The following KCNK10 variants were observed in gnomAD, a reference collection of about 807,000 sequenced individuals.
The protein encoded by KCNK10 is potassium channel subfamily K member 10.
KCNK10 carries 25 observed loss-of-function variants against 47.7 expected under a neutral mutation model. The ratio of observed to expected loss-of-function variants is 0.52; its 90% CI spans 0.38 to 0.73. The LOEUF (loss-of-function observed/expected upper bound fraction) is 0.73, where lower values mean the gene tolerates loss of function less well. KCNK10 is among the 30% of genes least tolerant of loss of function. The pLI, the probability that KCNK10 is intolerant of heterozygous loss-of-function variation, is 0.00. For missense variants in KCNK10, 563 were observed against 714.5 expected (o/e 0.79, Z 2.42); for synonymous variants, 303 against 285.6 (o/e 1.06, Z -0.61).
chr14:88,214,164 C>G (rs1048257108), intron 4 of KCNK10, among the ~76,000 whole-genome samples: 6 of 152,022 alleles, frequency 3.9e-5, no homozygotes, highest in African/African-American at 1.4e-4. Flanking sequence ...GTCTTGAACT[C>G]CTGACCTCAG....
intron 4 of KCNK10, among the ~76,000 whole-genome samples, chr14:88,210,826 A>G (rs1463695774): frequency 2.8e-5 from 3 of 107,134 alleles, no homozygotes; most frequent in Non-Finnish European, 6.3e-5. Flanking sequence ...ATAAAAGTTA[A>G]AGGAAAAAAA....
At chr14:88,277,757 A>T (rs1784797) in intron 1 of KCNK10, among the ~76,000 whole-genome samples, 9,782 of 152,266 alleles carry the variant, frequency 0.064, 411 homozygotes, top group East Asian at 0.088. Flanking sequence ...AGAGAAATCT[A>T]TGGCTGAATC....
intron 5 of KCNK10, among the ~76,000 whole-genome samples, chr14:88,189,436 G>T (rs919017354): frequency 1.3e-5 from 2 of 152,166 alleles, no homozygotes; most frequent in Non-Finnish European, 2.9e-5. Context: ...TCTGTGCTAC[G>T]CCAGAGAAAT....
At chr14:88,276,632 G>A (rs1566712113) in intron 1 of KCNK10, among the ~76,000 whole-genome samples, 1 of 152,162 alleles carries the variant, frequency 6.6e-6, no homozygotes, top group African/African-American at 2.4e-5. Flanking sequence ...TTAGCTAACA[G>A]ACTCAACTTC....
chr14:88,282,051 T>C (rs1166743774), intron 1 of KCNK10, among the ~76,000 whole-genome samples: 4 of 152,176 alleles, frequency 2.6e-5, no homozygotes, highest in Non-Finnish European at 5.9e-5. Context: ...TGGTTCACTC[T>C]TATATACCCA....
chr14:88,227,717 C>T (rs886966766), intron 3 of KCNK10, among the ~76,000 whole-genome samples, 182 bp from the exon 4 acceptor site: 1 of 152,204 alleles, frequency 6.6e-6, no homozygotes, highest in Non-Finnish European at 1.5e-5. Flanking sequence ...TCCTTCTCCC[C>T]TTATAAACGG....
chr14:88,307,258 T>C (rs1213563214), intron 1 of KCNK10, among the ~76,000 whole-genome samples: 1 of 139,982 alleles, frequency 7.1e-6, no homozygotes, highest in Non-Finnish European at 1.6e-5. Context: ...TCTTCATTCT[T>C]CATTCAAAAT....
intron 2 of KCNK10, among the ~76,000 whole-genome samples, chr14:88,261,769 A>G (rs1887118587): frequency 8.2e-6 from 1 of 121,968 alleles, no homozygotes; most frequent in Non-Finnish European, 2.0e-5. Context: ...CAAAAAAGAA[A>G]AAGAAAAAAA....
At chr14:88,247,474 A>C (rs1886678054) in intron 2 of KCNK10, among the ~76,000 whole-genome samples, 1 of 152,202 alleles carries the variant, frequency 6.6e-6, no homozygotes, top group South Asian at 2.1e-4. Context: ...TATTACAATG[A>C]CGTGTATTTT....
chr14:88,186,194 T>C lies in KCNK10; in HGVS notation c.1012-39A>G. The C allele has an allele frequency of 3.3e-6, 5 of 1,530,420 alleles. No homozygotes were observed. Among genetic ancestry groups the C allele is most frequent in the Non-Finnish European group, 4.4e-6 (5 of 1,137,782 alleles). 94.8% of individuals were successfully genotyped at this position (1,530,420 alleles called of 1,614,324 possible). On this transcript the variant is annotated intron_variant, in intron 6 of 6. Transcript: ENST00000319231. This position sits in a 1 kb window ranked among gnomAD's most constrained non-coding sequence, Gnocchi z 5.5. The stretch of plus-strand genomic sequence containing the variant: ...AGAAGAGCAACAATATGCTGACAAA[T>C]GCCTCCCTGCCTTGGCCTCCCAGCA...
chr14:88,313,534 G>A (rs1888369771), intron 1 of KCNK10, among the ~76,000 whole-genome samples: 1 of 152,158 alleles, frequency 6.6e-6, no homozygotes, highest in African/African-American at 2.4e-5. Context: ...GTACACATAA[G>A]CATCCCATGG....
intron 5 of KCNK10, among the ~76,000 whole-genome samples, chr14:88,190,031 G>A (rs1178515218): frequency 6.6e-6 from 1 of 152,180 alleles, no homozygotes; most frequent in Non-Finnish European, 1.5e-5. Flanking sequence ...GTAAAACTGT[G>A]GATGCCTGGG....
Position 88,257,052 on chromosome 14 carries a change from T to C in KCNK10, c.402+6150A>G, listed in dbSNP as rs1408014523. On this transcript the variant is annotated intron_variant, in intron 2 of 6. Transcript: ENST00000319231. ...AGGCCATGCAGGGATATGCAGCACA[T>C]AGCAGAAATCTTTGCTGAGTCAGGT... Among the ~76,000 whole-genome samples, 8 of 152,214 alleles carry C rather than the reference T, an allele frequency of 5.3e-5. No individual in the cohort carries two copies. The East Asian group carries it at 1.5e-3, about 29-fold the overall frequency.
intron 1 of KCNK10, among the ~76,000 whole-genome samples, chr14:88,309,413 G>A (rs1888266341): frequency 6.6e-6 from 1 of 152,050 alleles, no homozygotes; most frequent in Non-Finnish European, 1.5e-5. Context: ...ACCAGCCTGG[G>A]CAACATGGCA....
chr14:88,310,334 G>T (rs1185037934), intron 1 of KCNK10, among the ~76,000 whole-genome samples: 1 of 151,674 alleles, frequency 6.6e-6, no homozygotes, highest in East Asian at 2.0e-4. Flanking sequence ...CACGCCTCAG[G>T]TCTTTTTCAT....
chr14:88,272,008 G>T (rs570724705), intron 1 of KCNK10, among the ~76,000 whole-genome samples: 1 of 151,490 alleles, frequency 6.6e-6, no homozygotes, highest in Non-Finnish European at 1.5e-5. Context: ...AGGAAGCAGG[G>T]GGAAGGTTGG....
At position 88,323,130 on chromosome 14, in the gene KCNK10, T is replaced by G. The variant is rs951059275; in HGVS notation, c.-332A>C. The G allele has an allele frequency of 1.1e-5, 13 of 1,166,836 alleles. No homozygotes were observed. The highest frequency in any genetic ancestry group is 3.8e-4 in the Middle Eastern group (1 of 2,606). The allele number at this position is 1,166,836 out of a possible 1,614,324, so 72.3% of individuals were successfully genotyped here. A position where few individuals can be genotyped will look rare whatever the true frequency, so the allele number is the denominator to read the frequency against. On this transcript the variant is annotated 5_prime_UTR_variant, in exon 1 of 7. Transcript: ENST00000319231. ...GAGCCAAGCTGCTTCCCAAAAGCGGTGCCGGCAGGTTAGGGGCTGCGCAGC... is the reference window on the plus strand; with the variant it reads ...GAGCCAAGCTGCTTCCCAAAAGCGGGGCCGGCAGGTTAGGGGCTGCGCAGC...
At chr14:88,299,630 G>T (rs1369824469) in intron 1 of KCNK10, among the ~76,000 whole-genome samples, 1 of 152,080 alleles carries the variant, frequency 6.6e-6, no homozygotes, top group Non-Finnish European at 1.5e-5. Context: ...TTTTTTTAAT[G>T]GCCGCAGGTT....
At position 88,322,756 on chromosome 14, in the gene KCNK10, C is replaced by G. The variant is rs761233855; in HGVS notation, c.43G>C (p.Asp15His). The G allele has an allele frequency of 1.9e-6, 3 of 1,614,142 alleles. No homozygotes were observed. Among genetic ancestry groups the G allele is most frequent in the Non-Finnish European group, 2.5e-6 (3 of 1,180,018 alleles). The stretch of plus-strand genomic sequence containing the variant: ...AGTAGGAAACACCCACCTTTAGGAT[C>G]CCAGTTCACCTGTTTTCTTGGCGTC... ...IETPRKQVNW[D>H]PKVAVPAAAP... The change falls in exon 1 of 7, where the codon GAT becomes CAT. Residue 15 changes from aspartate to histidine, a missense_variant. Coordinates refer to ENST00000319231, the MANE Select transcript of KCNK10 (RefSeq NM_138317.3). This position sits in a 1 kb window ranked among gnomAD's most constrained non-coding sequence, Gnocchi z 4.8.
Sources: gnomAD v4.1 joint callset for allele counts (sites outside exome capture counted in the v4.1 genomes callset) on GRCh38, gnomAD v4.1.1 for gene constraint, Gnocchi (gnomAD v3.1) non-coding constraint, MANE v1.5 for transcripts, NCBI Gene and HGNC (gene_info 2026-07-23, HGNC 2026-07-21) for gene names.